KDM6B: variants seen among roughly 807,000 people sequenced by gnomAD.
KDM6B encodes lysine demethylase 6B.
A neutral mutation model predicts 150.4 loss-of-function variants in KDM6B; 22 were observed. The ratio of observed to expected loss-of-function variants is 0.15; its 90% CI spans 0.10 to 0.21. KDM6B has a LOEUF of 0.21. KDM6B is among the 10% of genes least tolerant of loss of function. KDM6B has a pLI of 1.00. For missense variants in KDM6B, 1,984 were observed against 2,234.3 expected, an observed-to-expected ratio of 0.89 and a Z score of 2.26; for synonymous variants, 1,148 against 921.1, an observed-to-expected ratio of 1.25 and a Z score of -4.46.
chr17:7,846,503 C>A lies in KDM6B; in HGVS notation c.549+11C>A. On this transcript the variant is annotated intron_variant, in intron 8 of 23. Transcript: ENST00000448097. ...TTGCTACACCTTGAGGTGAGGCTGG[C>A]ACTGGGTGGGTTAGGGAGGAGAGCC... The A allele has an allele frequency of 6.2e-7, 1 of 1,613,954 alleles. No homozygotes were observed. The highest frequency in any genetic ancestry group is 8.5e-7 in the Non-Finnish European group (1 of 1,179,928).
chr17:7,851,471 C>G lies in KDM6B; in HGVS notation c.3945-7C>G. On this transcript the variant is annotated splice_region_variant and splice_polypyrimidine_tract_variant and intron_variant, in intron 16 of 23. Transcript: ENST00000448097. ...TCTCCACCAACCTGTGCTCTTCGCC[C>G]CAGCAGCAGCGCACCAGACCCGAAG... is the stretch of plus-strand genomic sequence containing the variant. 1.2e-6 allele frequency: 2 copies of G among 1,614,200 alleles called. No homozygotes were observed. Among genetic ancestry groups the G allele is most frequent in the Non-Finnish European group, 1.7e-6 (2 of 1,180,042 alleles).
chr17:7,852,587 G>A lies in KDM6B; in HGVS notation c.4561G>A (p.Val1521Met), dbSNP rs2078719850. ...GCCCATGATTCACGTGTCATGGAAC[G>A]TGGCTCGCACGGTCAAAATCAGCGA... The part of the protein sequence containing the change: ...IVPMIHVSWN[V>M]ARTVKISDPD... Residue 1521 changes from valine to methionine, a missense_variant, in exon 21 of 24, where the codon GTG (valine) becomes ATG (methionine). Transcript: ENST00000448097. 6.2e-7 allele frequency: 1 copy of A among 1,614,006 alleles called. No homozygotes were observed. Among genetic ancestry groups the A allele is most frequent in the Non-Finnish European group, 8.5e-7 (1 of 1,180,048 alleles).
chr17:7,844,220 CGA>C lies in KDM6B; in HGVS notation c.-268-675_-268-674del, dbSNP rs1032981256. On this transcript the variant is annotated intron_variant, in intron 2 of 23. Transcript: ENST00000448097. The surrounding 1 kb of genome is among the most constrained non-coding windows in gnomAD (Gnocchi z 5.9). The stretch of plus-strand genomic sequence containing the variant: ...AAGGGCAGAGAGGATACGCGAGCCA[CGA>C]GAGAGGGGCCACTCGGGACCGCGGT... 2 of 152,046 alleles carry C rather than the reference CGA, an allele frequency of 1.3e-5. No individual in the cohort carries two copies. The highest frequency in any genetic ancestry group is 2.9e-5 in the Non-Finnish European group (2 of 68,040). The allele number at this position is 152,046 out of a possible 1,614,324, so 9.4% of individuals were successfully genotyped here. A position where few individuals can be genotyped will look rare whatever the true frequency, so the allele number is the denominator to read the frequency against.
rs755076158 is a variant in KDM6B, at chr17:7,846,342, C to T, written c.456+45C>T. 44 of 1,580,822 alleles carry T rather than the reference C, an allele frequency of 2.8e-5. No homozygotes were observed. In the East Asian group the frequency reaches 9.4e-4, roughly 34 times the overall value. ...GGGGGACGGGATTGTACGATTGTGC[C>T]TTCTGGCTCAGTGCCCCACCTGACA... On this transcript the variant is annotated intron_variant, in intron 7 of 23. Transcript: ENST00000448097.
In KDM6B at chr17:7,851,371, C is replaced by G. The variant is rs535012380; in HGVS notation, c.3921C>G (p.Asp1307Glu). The change falls in exon 16 of 24, where the codon GAC becomes GAG. Residue 1307 changes from aspartate to glutamate, a missense_variant. Physicochemically the swap from Asp to Glu is conservative, Grantham distance 45 (BLOSUM62 2). Coordinates refer to ENST00000448097, the MANE Select transcript of KDM6B (RefSeq NM_001348716.2). ...AGGATGAGGAGTCAGAGGAGCCAGA[C>G]AGCACCACTGGAACCCCTCCTAGGT... The part of the protein sequence containing the change: ...ESEDEESEEP[D>E]STTGTPPSSA... 3.2e-5 allele frequency: 52 copies of G among 1,614,178 alleles called. 3 individuals are homozygous for G. In the South Asian group the frequency reaches 5.5e-4, roughly 17 times the overall value.
rs1567799653 is a variant in KDM6B, at chr17:7,849,662, AGCG to A, written c.3380_3382del (p.Arg1127del). ...ACCTTTATCGCCTCTGAGGTGGAAG[AGCG>A]GCGGCTGCGCATGGCAGACCTCACC... On this transcript the variant is annotated inframe_deletion, in exon 12 of 24. Coordinates refer to ENST00000448097, the MANE Select transcript of KDM6B (RefSeq NM_001348716.2). 6.2e-7 allele frequency: 1 copy of A among 1,610,064 alleles called. No individual in the cohort carries two copies.
Position 7,851,660 on chromosome 17 carries a change from G to A in KDM6B, c.4029G>A (p.Gln1343=). 1 of 1,587,886 alleles carries A rather than the reference G, an allele frequency of 6.3e-7. No homozygotes were observed. The highest frequency in any genetic ancestry group is 8.6e-7 in the Non-Finnish European group (1 of 1,167,292). Residue 1343 remains glutamine (Q), a synonymous_variant, in exon 18 of 24, where the codon CAG becomes CAA. Coordinates refer to ENST00000448097, the MANE Select transcript of KDM6B (RefSeq NM_001348716.2). ...TTCCGCACCGCAGGTGGAAGCCCCA[G>A]CTGCAGGAGCTGCTGAAGCTGCCCG... is the stretch of plus-strand genomic sequence containing the variant. ...DLSDAKRWKP[Q]LQELLKLPAF...
In KDM6B at chr17:7,844,907, A is replaced by G. The variant is rs577794684; in HGVS notation, c.-262A>G. ...TCCCATTGGTTCCGGCCAGGCTGTT[A>G]CTGAGGCGGAGACACGGGTGATGAT... On this transcript the variant is annotated 5_prime_UTR_variant, in exon 3 of 24. Transcript: ENST00000448097. The surrounding 1 kb of genome is among the most constrained non-coding windows in gnomAD (Gnocchi z 5.9). The G allele has an allele frequency of 2.4e-5, 4 of 163,334 alleles. No individual in the cohort carries two copies. In the South Asian group the frequency reaches 5.7e-4, roughly 23 times the overall value. The allele number at this position is 163,334 out of a possible 1,614,324, so 10.1% of individuals were successfully genotyped here. A position where few individuals can be genotyped will look rare whatever the true frequency, so the allele number is the denominator to read the frequency against.
In KDM6B at chr17:7,847,831, G is replaced by GCC; in HGVS notation, c.1546_1547dup (p.Pro517HisfsTer66). ...TGGGACTGAGGGACCCCCCCGCCCT[G>GCC]CCCCACCACCCCTCCCCCATCGCGA... On this transcript the variant is annotated frameshift_variant, in exon 12 of 24. Transcript: ENST00000448097. LOFTEE classifies it high-confidence loss of function. 4.5e-6 allele frequency: 4 copies of GCC among 880,382 alleles called. No individual in the cohort carries two copies. Among genetic ancestry groups the GCC allele is most frequent in the Non-Finnish European group, 5.9e-6 (4 of 676,890 alleles). The allele number at this position is 880,382 out of a possible 1,614,324, so 54.5% of individuals were successfully genotyped here.
In KDM6B at chr17:7,846,511, G is replaced by A. The variant is rs757488000; in HGVS notation, c.549+19G>A. 5 of 1,614,032 alleles carry A rather than the reference G, an allele frequency of 3.1e-6. No homozygotes were observed. The highest frequency in any genetic ancestry group is 1.1e-5 in the South Asian group (1 of 91,084). ...CCTTGAGGTGAGGCTGGCACTGGGTGGGTTAGGGAGGAGAGCCAGGCTGTG... is the reference window on the plus strand; with the variant it reads ...CCTTGAGGTGAGGCTGGCACTGGGTAGGTTAGGGAGGAGAGCCAGGCTGTG... On this transcript the variant is annotated intron_variant, in intron 8 of 23. Coordinates refer to ENST00000448097, the MANE Select transcript of KDM6B (RefSeq NM_001348716.2).
chr17:7,844,008 A>T lies in KDM6B; in HGVS notation c.-268-893A>T, dbSNP rs1171310682. Among the ~76,000 whole-genome samples, 1 of 151,162 alleles carries T rather than the reference A, an allele frequency of 6.6e-6. No individual in the cohort carries two copies. The highest frequency in any genetic ancestry group is 2.4e-5 in the African/African-American group (1 of 40,992). Reference sequence around the variant, plus strand: ...AGGGAGTGGGTGGTGAGAGTGGGACAAGGGTGATGTCACTGCCTGTCGGGC... The same window carrying T: ...AGGGAGTGGGTGGTGAGAGTGGGACTAGGGTGATGTCACTGCCTGTCGGGC... On this transcript the variant is annotated intron_variant, in intron 2 of 23. Coordinates refer to ENST00000448097, the MANE Select transcript of KDM6B (RefSeq NM_001348716.2). The surrounding 1 kb of genome is among the most constrained non-coding windows in gnomAD (Gnocchi z 5.9).
chr17:7,853,958 T>C lies in KDM6B; in HGVS notation c.*437T>C, dbSNP rs1271185427. 5 of 156,868 alleles carry C rather than the reference T, an allele frequency of 3.2e-5. No individual in the cohort carries two copies. The highest frequency in any genetic ancestry group is 1.9e-4 in the South Asian group (1 of 5,194). The allele number at this position is 156,868 out of a possible 1,614,324, so 9.7% of individuals were successfully genotyped here. ...TTAATGAGATTCTTTCTATGGGCTT[T>C]ACCCCTCCCCCGGAACCTCCTTTTT... On this transcript the variant is annotated 3_prime_UTR_variant, in exon 24 of 24. Transcript: ENST00000448097.
intron 1 of KDM6B, among the ~76,000 whole-genome samples, chr17:7,837,934 G>T (rs1435724186): frequency 6.6e-6 from 1 of 151,988 alleles, no homozygotes. Flanking sequence ...CTGGGGATTA[G>T]CTTCAACTGC....
chr17:7,847,324 G>A lies in KDM6B; in HGVS notation c.1129G>A (p.Ala377Thr), dbSNP rs1317569614. 3.7e-6 allele frequency: 6 copies of A among 1,608,726 alleles called. No homozygotes were observed. In the African/African-American group the frequency reaches 4.0e-5, roughly 11 times the overall value. ...RSRMDSSVSP[A>T]ATTACVPYAP... ...GCGGATGGACTCCAGCGTTTCACCA[G>A]CAGCAACCACCGCCTGCGTGCCTTA... The change falls in exon 11 of 24, where the codon GCA (alanine) becomes ACA (threonine). Residue 377 changes from alanine to threonine, a missense_variant. Physicochemically the swap from Ala to Thr is moderately conservative, Grantham distance 58 (BLOSUM62 0). This residue lies in a region of KDM6B where 1,379 missense variants were observed against 1,275.6 expected (regional missense o/e 1.08). Coordinates refer to ENST00000448097, the MANE Select transcript of KDM6B (RefSeq NM_001348716.2).
intron 6 of KDM6B, 48 bp downstream of exon 6, chr17:7,846,018 C>T: frequency 1.9e-6 from 3 of 1,602,042 alleles, no homozygotes; most frequent in Non-Finnish European, 2.6e-6. Context: ...AGGCTGGGGC[C>T]TTGAAAGAGT....
rs771058774 is a variant in KDM6B, at chr17:7,851,737, C to G, written c.4106C>G (p.Thr1369Ser). The change falls in exon 18 of 24, where the codon ACC becomes AGC. Residue 1369 changes from threonine to serine, a missense_variant. Thr to Ser is a moderately conservative substitution (Grantham distance 58, BLOSUM62 1). Coordinates refer to ENST00000448097, the MANE Select transcript of KDM6B (RefSeq NM_001348716.2). Reference sequence around the variant, plus strand: ...AACATGCTGAGCCACGTGGGCCACACCATCCTGGGCATGAACACGGTGCAG... The same window carrying G: ...AACATGCTGAGCCACGTGGGCCACAGCATCCTGGGCATGAACACGGTGCAG... ...TGNMLSHVGH[T>S]ILGMNTVQLY... 2 of 1,557,428 alleles carry G rather than the reference C, an allele frequency of 1.3e-6. No individual in the cohort carries two copies. Among genetic ancestry groups the G allele is most frequent in the South Asian group, 2.3e-5 (2 of 85,428 alleles).
rs1470376767 is a variant in KDM6B, at chr17:7,843,785, T to G, written c.-268-1116T>G. 3.3e-5 allele frequency among the ~76,000 whole-genome samples: 5 copies of G among 151,998 alleles called. No homozygotes were observed. Among genetic ancestry groups the G allele is most frequent in the African/African-American group, 1.2e-4 (5 of 41,376 alleles). ...CCGGGAGCCGAGTCGGCTCCCTACC[T>G]GCGGGGACGCCGGGTAGGCAAGGAG... On this transcript the variant is annotated intron_variant, in intron 2 of 23. Transcript: ENST00000448097. This position sits in a 1 kb window ranked among gnomAD's most constrained non-coding sequence, Gnocchi z 4.5.
rs1165208529 is a variant in KDM6B, at chr17:7,854,456, A to G, written c.*935A>G. 6.6e-6 allele frequency: 1 copy of G among 152,358 alleles called. No individual in the cohort carries two copies. Among genetic ancestry groups the G allele is most frequent in the African/African-American group, 2.4e-5 (1 of 41,442 alleles). 9.4% of individuals were successfully genotyped at this position (152,358 alleles called of 1,614,324 possible). A position where few individuals can be genotyped will look rare whatever the true frequency, so the allele number is the denominator to read the frequency against. Reference sequence around the variant, plus strand: ...AATTAAAGGTTTTAAAGAAAGAACTATGAGGAAAAGGAACCCCGTCCTTCC... The same window carrying G: ...AATTAAAGGTTTTAAAGAAAGAACTGTGAGGAAAAGGAACCCCGTCCTTCC... On this transcript the variant is annotated 3_prime_UTR_variant, in exon 24 of 24. Transcript: ENST00000448097.
In KDM6B at chr17:7,849,703, G is replaced by A; in HGVS notation, c.3415G>A (p.Ala1139Thr). ...GGCAGACCTCACCATCAGCCACTGT[G>A]CTGCTGACGTCGTGCGCGCCAGCAG... The part of the protein sequence containing the change: ...RMADLTISHC[A>T]ADVVRASRNA... The change falls in exon 12 of 24, where the codon GCT becomes ACT. Residue 1139 changes from alanine (A) to threonine (T), a missense_variant. Transcript: ENST00000448097. The A allele has an allele frequency of 6.2e-7, 1 of 1,610,930 alleles. No individual in the cohort carries two copies. The highest frequency in any genetic ancestry group is 2.2e-5 in the East Asian group (1 of 44,854).
Sources: allele counts gnomAD v4.1 joint callset (sites outside exome capture counted in the v4.1 genomes callset), GRCh38; gene constraint gnomAD v4.1.1; regional missense constraint gnomAD v4.1.1; non-coding constraint Gnocchi (gnomAD v3.1); transcripts MANE v1.5; gene names NCBI Gene and HGNC (gene_info 2026-07-23, HGNC 2026-07-21).